Variants in PCDHA11 observed in about 807,000 individuals in gnomAD.
The protein encoded by PCDHA11 is protocadherin alpha-11.
PCDHA11 carries 61 observed loss-of-function variants against 70.3 expected under a neutral mutation model. The observed-to-expected ratio is 0.87, with a 90% CI of 0.71 to 1.07. The LOEUF (loss-of-function observed/expected upper bound fraction) is 1.07. PCDHA11 is among the 50% of genes least tolerant of loss of function. PCDHA11 has a pLI of 0.00. For missense variants in PCDHA11, 1,324 were observed against 1,237.5 expected (o/e 1.07, Z -1.05); for synonymous variants, 633 against 555.1 (o/e 1.14, Z -1.97).
chr5:140,937,776 G>A (rs1350103217), intron 1 of PCDHA11, among the ~76,000 whole-genome samples: 1 of 151,292 alleles, frequency 6.6e-6, no homozygotes, highest in Non-Finnish European at 1.5e-5. Context: ...GTCGGGCGTG[G>A]TGGCGGGCGT....
At chr5:140,943,529 A>T (rs1291911076) in intron 1 of PCDHA11, among the ~76,000 whole-genome samples, 1 of 152,220 alleles carries the variant, frequency 6.6e-6, no homozygotes, top group Non-Finnish European at 1.5e-5. Context: ...TCAGTATGCA[A>T]AATGTCATGT....
chr5:140,982,413 G>A, intron 2 of PCDHA11, 62 bp from the exon 3 acceptor site: 2 of 1,609,608 alleles, frequency 1.2e-6, no homozygotes, highest in Non-Finnish European at 1.7e-6. Flanking sequence ...TTCTGAGGGT[G>A]GAAGAAGAGA....
chr5:140,891,974 C>T (rs2063333007), intron 1 of PCDHA11, among the ~76,000 whole-genome samples: 1 of 152,170 alleles, frequency 6.6e-6, no homozygotes, highest in South Asian at 2.1e-4. Context: ...AATTTCCGTT[C>T]TCATAAATTA....
At chr5:140,964,454 T>C (rs1392277569) in intron 1 of PCDHA11, among the ~76,000 whole-genome samples, 1 of 152,132 alleles carries the variant, frequency 6.6e-6, no homozygotes, top group Admixed American at 6.5e-5. Flanking sequence ...CTGTAATCTC[T>C]TCCTTAAGTG....
In PCDHA11 at chr5:140,876,844, C is replaced by A. The variant is rs200154646; in HGVS notation, c.2391+5350C>A. ...CGACAATGCGCCTGCGTTCGCGCAGCCCGAGTACACAGTGTTCGTGAAGGA... is the reference window on the plus strand; with the variant it reads ...CGACAATGCGCCTGCGTTCGCGCAGACCGAGTACACAGTGTTCGTGAAGGA... On this transcript the variant is annotated intron_variant, in intron 1 of 3. Coordinates refer to ENST00000398640, the MANE Select transcript of PCDHA11 (RefSeq NM_018902.5). The A allele has an allele frequency of 3.6e-5, 58 of 1,614,134 alleles. No homozygotes were observed. In the East Asian group the frequency reaches 1.2e-3, roughly 32 times the overall value.
At chr5:140,892,152 C>T (rs1364975733) in intron 1 of PCDHA11, among the ~76,000 whole-genome samples, 1 of 152,118 alleles carries the variant, frequency 6.6e-6, no homozygotes, top group African/African-American at 2.4e-5. Context: ...GCGTCTATTT[C>T]TGATATGTCC....
chr5:140,877,737 G>A, intron 1 of PCDHA11: 6 of 1,614,176 alleles, frequency 3.7e-6, no homozygotes, highest in Non-Finnish European at 5.1e-6. Flanking sequence ...AGCAGAGGAG[G>A]CAGAGGGTGT....
intron 1 of PCDHA11, chr5:140,884,280 A>G: frequency 6.2e-7 from 1 of 1,613,576 alleles, no homozygotes; most frequent in Non-Finnish European, 8.5e-7. Context: ...TCGCTGGTGG[A>G]GAGCGGCCAA....
intron 1 of PCDHA11, among the ~76,000 whole-genome samples, chr5:140,973,052 G>C (rs114678656): frequency 0.013 from 2,011 of 152,210 alleles, 55 homozygotes; most frequent in African/African-American, 0.046. Flanking sequence ...TAGTAGATTT[G>C]TCCAACAGTG....
Position 140,908,264 on chromosome 5 carries a change from C to T in PCDHA11, c.2391+36770C>T, listed in dbSNP as rs184452768. Among the ~76,000 whole-genome samples the T allele has an allele frequency of 2.1e-4, 32 of 152,244 alleles. 1 individual carries two copies. Among genetic ancestry groups the T allele is most frequent in the African/African-American group, 6.3e-4 (26 of 41,538 alleles). Reference sequence around the variant, plus strand: ...CCTCATCAACTGATCATAGGGAACTCCCCATGAGGCCATTGTTGCAAGCTG... The same window carrying T: ...CCTCATCAACTGATCATAGGGAACTTCCCATGAGGCCATTGTTGCAAGCTG... On this transcript the variant is annotated intron_variant, in intron 1 of 3. Coordinates refer to ENST00000398640, the MANE Select transcript of PCDHA11 (RefSeq NM_018902.5).
chr5:140,967,698 A>T, intron 1 of PCDHA11: 1 of 1,614,174 alleles, frequency 6.2e-7, no homozygotes, highest in Non-Finnish European at 8.5e-7. Context: ...TTCAGCATAG[A>T]TGCCAGTACC....
At chr5:140,988,482 C>T (rs1017365611) in intron 3 of PCDHA11, among the ~76,000 whole-genome samples, 1 of 152,152 alleles carries the variant, frequency 6.6e-6, no homozygotes, top group Non-Finnish European at 1.5e-5. Flanking sequence ...GAATTAGCAT[C>T]CCCTACCTAG....
chr5:140,989,788 G>GC (rs1331311072), intron 3 of PCDHA11, among the ~76,000 whole-genome samples: 30 of 152,276 alleles, frequency 2.0e-4, no homozygotes, highest in African/African-American at 4.6e-4. Context: ...GAGACTAGAG[G>GC]CCCCCAGGAA....
intron 1 of PCDHA11, among the ~76,000 whole-genome samples, chr5:140,885,206 A>G (rs1304868227): frequency 1.3e-5 from 2 of 152,038 alleles, no homozygotes; most frequent in Non-Finnish European, 2.9e-5. Context: ...CATATATCCC[A>G]TGAAAAATAT....
chr5:140,884,840 A>G (rs2060380495), intron 1 of PCDHA11: 7 of 888,512 alleles, frequency 7.9e-6, no homozygotes, highest in Non-Finnish European at 1.1e-5. Flanking sequence ...TATCCTTCAG[A>G]GTGAAATCTT....
intron 1 of PCDHA11, among the ~76,000 whole-genome samples, chr5:140,900,826 A>G (rs1554189460): frequency 2.0e-5 from 3 of 152,224 alleles, no homozygotes. Flanking sequence ...CATTCCCACC[A>G]ACAATGTACA....
intron 1 of PCDHA11, among the ~76,000 whole-genome samples, chr5:140,941,561 C>T (rs782382112): frequency 2.1e-4 from 32 of 151,880 alleles, no homozygotes; most frequent in Middle Eastern, 3.2e-3. Context: ...GTGATCCATT[C>T]GCCTCAGCCT....
At chr5:140,927,366 A>C in intron 1 of PCDHA11, 1 of 1,614,088 alleles carries the variant, frequency 6.2e-7, no homozygotes, top group Non-Finnish European at 8.5e-7. Context: ...GCAATGGGAT[A>C]CTAAGCTACA....
intron 1 of PCDHA11, among the ~76,000 whole-genome samples, chr5:140,951,082 C>CT (rs573059224): frequency 1.2e-3 from 178 of 151,520 alleles, no homozygotes; most frequent in African/African-American, 4.1e-3. Context: ...TTATATTTTC[C>CT]TTTTTTTCTG....
Sources: gnomAD v4.1 joint callset for allele counts (sites outside exome capture counted in the v4.1 genomes callset) on GRCh38, gnomAD v4.1.1 for gene constraint, MANE v1.5 for transcripts, NCBI Gene and HGNC (gene_info 2026-07-23, HGNC 2026-07-21) for gene names.